Variants in FOXO1 observed in about 807,000 individuals in gnomAD.
FOXO1 encodes forkhead box protein O1.
A neutral mutation model predicts 44.1 loss-of-function variants in FOXO1; 6 were observed. That is an observed-to-expected ratio of 0.14 (90% CI 0.07 to 0.27). The LOEUF is 0.27. Among genes scored for constraint, FOXO1 ranks in the 10% least tolerant of loss-of-function variants. FOXO1 has a pLI of 1.00. For missense variants in FOXO1, 737 were observed against 888.8 expected (o/e 0.83, Z 2.17); for synonymous variants, 380 against 362.7 (o/e 1.05, Z -0.54).
At chr13:40,575,984 G>A (rs1874728927) in intron 1 of FOXO1, among the ~76,000 whole-genome samples, 1 of 152,232 alleles carries the variant, frequency 6.6e-6, no homozygotes, top group South Asian at 2.1e-4. Context: ...GCTAGAACCA[G>A]ACTGGCCCAG....
chr13:40,642,800 T>C (rs1242107794), intron 1 of FOXO1, among the ~76,000 whole-genome samples: 1 of 151,988 alleles, frequency 6.6e-6, no homozygotes, highest in African/African-American at 2.4e-5. Flanking sequence ...TGCACCTGTG[T>C]CCGAGCTACT....
At chr13:40,651,507 ATTTT>A (rs1028773754) in intron 1 of FOXO1, among the ~76,000 whole-genome samples, 1 of 140,458 alleles carries the variant, frequency 7.1e-6, no homozygotes, top group African/African-American at 2.8e-5. Context: ...CTTAGTATGA[ATTTT>A]TTTAATTATA....
chr13:40,612,040 G>C (rs1876251853), intron 1 of FOXO1, among the ~76,000 whole-genome samples: 1 of 152,114 alleles, frequency 6.6e-6, no homozygotes, highest in African/African-American at 2.4e-5. Flanking sequence ...CTGCACTCCA[G>C]CGTGGGAGAC....
At chr13:40,573,703 G>A (rs981482595) in intron 1 of FOXO1, among the ~76,000 whole-genome samples, 14 of 152,090 alleles carry the variant, frequency 9.2e-5, no homozygotes, top group South Asian at 4.1e-4. Flanking sequence ...AAAAGAAAAC[G>A]ACAAACAAAC....
chr13:40,632,617 G>A (rs762585115), intron 1 of FOXO1, among the ~76,000 whole-genome samples: 9 of 151,412 alleles, frequency 5.9e-5, no homozygotes, highest in Non-Finnish European at 1.0e-4. Context: ...CAGCCTGAGC[G>A]ACAGAGCAAG....
At position 40,640,445 on chromosome 13, in the gene FOXO1, G is replaced by A. The variant is rs77416541; in HGVS notation, c.630+25138C>T. The stretch of plus-strand genomic sequence containing the variant: ...ACCAAAAGACTTTCTCAATGAGGGC[G>A]CTCCTGGGCGCTATTCTGCTCATCT... On this transcript the variant is annotated intron_variant, in intron 1 of 2. Coordinates refer to ENST00000379561, the MANE Select transcript of FOXO1 (RefSeq NM_002015.4). Among the ~76,000 whole-genome samples the A allele has an allele frequency of 9.8e-4, 150 of 152,318 alleles. 4 individuals carry two copies. The East Asian group carries it at 0.019, about 20-fold the overall frequency.
chr13:40,584,704 A>G (rs958494873), intron 1 of FOXO1, among the ~76,000 whole-genome samples: 16 of 152,154 alleles, frequency 1.1e-4, no homozygotes, highest in African/African-American at 3.9e-4. Context: ...CAGAGACAAT[A>G]AGATTTCTTG....
intron 1 of FOXO1, among the ~76,000 whole-genome samples, chr13:40,601,829 T>A (rs1196780158): frequency 2.0e-5 from 3 of 152,168 alleles, no homozygotes; most frequent in Non-Finnish European, 4.4e-5. Context: ...TACTTTGAAA[T>A]GGAAATATCA....
chr13:40,604,353 C>T (rs1345905964), intron 1 of FOXO1, among the ~76,000 whole-genome samples: 1 of 151,200 alleles, frequency 6.6e-6, no homozygotes, highest in Non-Finnish European at 1.5e-5. Flanking sequence ...TGAGTGCACT[C>T]AACTATCTCA....
intron 1 of FOXO1, among the ~76,000 whole-genome samples, chr13:40,643,435 TGTATTTCCTCCCGA>T (rs1877417499): frequency 6.6e-6 from 1 of 151,898 alleles, no homozygotes; most frequent in Non-Finnish European, 1.5e-5. Context: ...AAACTCTGGG[TGTATTTCCTCCCGA>T]GTACAGCTAT....
At chr13:40,586,457 A>G (rs541480642) in intron 1 of FOXO1, among the ~76,000 whole-genome samples, 4 of 152,266 alleles carry the variant, frequency 2.6e-5, no homozygotes, top group Non-Finnish European at 5.9e-5. Flanking sequence ...CCCATCAAGA[A>G]CACCTACTCC....
rs78593852 is a variant in FOXO1, at chr13:40,618,012, G to A, written c.630+47571C>T. On this transcript the variant is annotated intron_variant, in intron 1 of 2. Coordinates refer to ENST00000379561, the MANE Select transcript of FOXO1 (RefSeq NM_002015.4). ...CAAAACAGAAATCAACATGTGACAC[G>A]CTTGCCAAAATCACATCATCTGCCG... 7.4e-3 allele frequency among the ~76,000 whole-genome samples: 1,132 copies of A among 152,282 alleles called. 15 individuals carry two copies. The highest frequency in any genetic ancestry group is 0.026 in the African/African-American group (1,086 of 41,558).
intron 1 of FOXO1, among the ~76,000 whole-genome samples, chr13:40,584,111 AG>A (rs1318814677): frequency 1.3e-5 from 2 of 152,096 alleles, no homozygotes; most frequent in Non-Finnish European, 2.9e-5. Flanking sequence ...TTGGTGGAGC[AG>A]TGAGAACAAA....
chr13:40,623,241 G>C (rs1369723298), intron 1 of FOXO1, among the ~76,000 whole-genome samples: 1 of 152,068 alleles, frequency 6.6e-6, no homozygotes, highest in Non-Finnish European at 1.5e-5. Context: ...TTTATCCCTT[G>C]GTAAGGCTGC....
At chr13:40,572,315 A>AGACT (rs1874559108) in intron 1 of FOXO1, among the ~76,000 whole-genome samples, 1 of 152,144 alleles carries the variant, frequency 6.6e-6, no homozygotes, top group South Asian at 2.1e-4. Context: ...CTTAGTAAAC[A>AGACT]GAGTACAAAG....
intron 1 of FOXO1, among the ~76,000 whole-genome samples, chr13:40,584,687 G>T (rs905396053): frequency 9.2e-5 from 14 of 152,024 alleles, no homozygotes; most frequent in African/African-American, 2.9e-4. Flanking sequence ...TTATTTGGAT[G>T]AATCTACAGA....
intron 1 of FOXO1, among the ~76,000 whole-genome samples, chr13:40,566,270 G>C (rs375871286): frequency 6.6e-6 from 1 of 152,294 alleles, no homozygotes; most frequent in East Asian, 1.9e-4. Context: ...GGTCCCCAGA[G>C]ACCCCTGAGG....
At chr13:40,641,380 T>C (rs936543427) in intron 1 of FOXO1, among the ~76,000 whole-genome samples, 3 of 151,814 alleles carry the variant, frequency 2.0e-5, no homozygotes, top group African/African-American at 4.8e-5. Context: ...AATTCACTAA[T>C]ACTTTGACAT....
intron 1 of FOXO1, among the ~76,000 whole-genome samples, chr13:40,563,642 G>T (rs573526270): frequency 4.6e-5 from 7 of 152,248 alleles, no homozygotes; most frequent in African/African-American, 1.7e-4. Flanking sequence ...GAGACACGCT[G>T]TGAGGAGGGC....
Sources: allele counts gnomAD v4.1 joint callset (sites outside exome capture counted in the v4.1 genomes callset), GRCh38; gene constraint gnomAD v4.1.1; transcripts MANE v1.5; gene names NCBI Gene and HGNC (gene_info 2026-07-23, HGNC 2026-07-21).